Variants in EIF2B4 observed in about 807,000 individuals in gnomAD.
The protein encoded by EIF2B4 is eukaryotic translation initiation factor 2B subunit delta.
A neutral mutation model predicts 66.7 loss-of-function variants in EIF2B4; 34 were observed. The observed-to-expected ratio is 0.51, with a 90% confidence interval of 0.39 to 0.68. The LOEUF is 0.68. Ranked by LOEUF, EIF2B4 falls within the 30% of genes least tolerant of loss-of-function variation. The pLI, the probability that EIF2B4 is intolerant of heterozygous loss-of-function variation, is 0.00. For missense variants in EIF2B4, 618 were observed against 657.9 expected (o/e 0.94, Z 0.66); for synonymous variants, 278 against 253.6 (o/e 1.10, Z -0.92).
rs140046653 is a variant in EIF2B4, at chr2:27,366,746, C to T, written c.1191+13G>A. 149 of 1,614,194 alleles carry T rather than the reference C, an allele frequency of 9.2e-5. 1 individual carries two copies. The African/African-American group carries it at 1.5e-3, about 17-fold the overall frequency. ...TCACCGCCAACTTTGGAGTCCTTTT[C>T]CTCTGTACTTACCTCTGGGAGCACA... is the stretch of plus-strand genomic sequence containing the variant. On this transcript the variant is annotated intron_variant, in intron 11 of 12. Coordinates refer to ENST00000347454, the MANE Select transcript of EIF2B4 (RefSeq NM_001034116.2).
Position 27,369,529 on chromosome 2 carries a change from G to C in EIF2B4, c.96C>G (p.Thr32=), listed in dbSNP as rs1682185431. 1 of 1,613,940 alleles carries C rather than the reference G, an allele frequency of 6.2e-7. No individual in the cohort carries two copies. The highest frequency in any genetic ancestry group is 8.5e-7 in the Non-Finnish European group (1 of 1,180,030). The change falls in exon 3 of 13, where the codon ACC becomes ACG. Residue 32 remains threonine (T), a synonymous_variant. Transcript: ENST00000347454. Reference sequence around the variant, plus strand: ...TCCGAAGCTGCAGCTTTTCTTCTTTGGTCATTTCCCTCCCCACTGCCTGAG... The same window carrying C: ...TCCGAAGCTGCAGCTTTTCTTCTTTCGTCATTTCCCTCCCCACTGCCTGAG... ...PGPGAVGREM[T]KEEKLQLRKE...
rs1275009137 is a variant in EIF2B4, at chr2:27,368,710, G to A, written c.442C>T (p.Pro148Ser). The change falls in exon 5 of 13, where the codon CCT (proline) becomes TCT (serine). Residue 148 changes from proline to serine, a missense_variant. By Grantham distance (74) the Pro-to-Ser change is moderately conservative. Transcript: ENST00000347454. ...CTCAGAAGTAGGTCATCAACCTGAG[G>A]GTACTCAGGGAGACGCTTCACTCCT... Reference protein sequence around the residue: ...PSGVKRLPEYPQVDDLLLRRL... With the variant: ...PSGVKRLPEYSQVDDLLLRRL... 3 of 1,614,100 alleles carry A rather than the reference G, an allele frequency of 1.9e-6. No homozygotes were observed. The highest frequency in any genetic ancestry group is 8.5e-7 in the Non-Finnish European group (1 of 1,180,000).
At chr2:27,366,615 A>T in intron 11 of EIF2B4, 144 bp downstream of exon 11, 1 of 948,234 alleles carries the variant, frequency 1.1e-6, no homozygotes, top group Non-Finnish European at 1.7e-6. Flanking sequence ...GGAGGTCAAG[A>T]CTGCAGTGAG....
In EIF2B4 at chr2:27,366,776, A is replaced by C. The variant is rs1681891973; in HGVS notation, c.1174T>G (p.Ser392Ala). Residue 392 changes from serine to alanine, a missense_variant, in exon 11 of 13, where the codon TCC (serine) becomes GCC (alanine). Around this residue, in one of 4 missense-constraint regions of EIF2B4, gnomAD observed 506 missense variants for 511.9 expected, o/e 0.99. Transcript: ENST00000347454. ...PASYLLIPAA[S>A]YVLPEVSKVL... is the part of the protein sequence containing the mutation. ...GTACTTACCTCTGGGAGCACATAGGAGGCTGCAGGAATCAGCAGGTAGGAG... is the reference window on the plus strand; with the variant it reads ...GTACTTACCTCTGGGAGCACATAGGCGGCTGCAGGAATCAGCAGGTAGGAG... The C allele has an allele frequency of 3.7e-6, 6 of 1,614,220 alleles. No homozygotes were observed. Among genetic ancestry groups the C allele is most frequent in the Non-Finnish European group, 5.1e-6 (6 of 1,180,042 alleles).
chr2:27,366,060 T>G (rs1467005732), intron 11 of EIF2B4: 1 of 137,238 alleles, frequency 7.3e-6, no homozygotes, highest in East Asian at 2.2e-4. Flanking sequence ...GTGTGTGTGT[T>G]CAAGCAGTCC....
In EIF2B4 at chr2:27,366,759, C is replaced by A; in HGVS notation, c.1191G>T (p.Glu397Asp). 1 of 1,614,192 alleles carries A rather than the reference C, an allele frequency of 6.2e-7. No individual in the cohort carries two copies. The highest frequency in any genetic ancestry group is 8.5e-7 in the Non-Finnish European group (1 of 1,180,030). The change falls in exon 11 of 13, where the codon GAG (glutamate) becomes GAT (aspartate). Residue 397 changes from glutamate (E) to aspartate (D), a missense_variant and splice_region_variant. Transcript: ENST00000347454. ...LIPAASYVLPEVSKVLLGAHA... is the reference protein window; with the variant it reads ...LIPAASYVLPDVSKVLLGAHA... ...TGGAGTCCTTTTCCTCTGTACTTAC[C>A]TCTGGGAGCACATAGGAGGCTGCAG...
chr2:27,367,561 TATAATACAACAGCA>T lies in EIF2B4; in HGVS notation c.783-16_783-3del. On this transcript the variant is annotated splice_region_variant and splice_polypyrimidine_tract_variant and intron_variant, in intron 8 of 12. Transcript: ENST00000347454. ...AGGGGACGGCACTGAGTCAGGAAGC[TATAATACAACAGCA>T]ATACCTTATATCTGCGCAACTCTTC... is the stretch of plus-strand genomic sequence containing the variant. 3.1e-6 allele frequency: 5 copies of T among 1,614,052 alleles called. No individual in the cohort carries two copies. Among genetic ancestry groups the T allele is most frequent in the Non-Finnish European group, 4.2e-6 (5 of 1,180,008 alleles).
chr2:27,369,620 A>G, intron 2 of EIF2B4, 71 bp from the exon 3 acceptor site: 5 of 1,610,278 alleles, frequency 3.1e-6, no homozygotes, highest in Non-Finnish European at 3.4e-6. Context: ...TTGGATGCTT[A>G]CAAGATTTCC....
chr2:27,365,828 T>C (rs1681805918), intron 11 of EIF2B4: 1 of 152,218 alleles, frequency 6.6e-6, no homozygotes, highest in South Asian at 2.1e-4. Flanking sequence ...ATAGCTAGAC[T>C]GCTGTAATAT....
At position 27,365,055 on chromosome 2, in the gene EIF2B4, CT is replaced by C. The variant is rs35891906; in HGVS notation, c.1192-158del. On this transcript the variant is annotated intron_variant, in intron 11 of 12. Transcript: ENST00000347454. Reference sequence around the variant, plus strand: ...CAAAAACAGACAACAAGTAATAAATCTTTTTTTTTTTTTTCTTTGAGATGAA... The same window carrying C: ...CAAAAACAGACAACAAGTAATAAATCTTTTTTTTTTTTTCTTTGAGATGAA... 223,851 of 583,856 alleles carry C rather than the reference CT, an allele frequency of 0.38. 15,591 individuals carry two copies. The highest frequency in any genetic ancestry group is 0.47 in the African/African-American group (23,983 of 51,482). 36.2% of individuals were successfully genotyped at this position (583,856 alleles called of 1,614,324 possible). A position where few individuals can be genotyped will look rare whatever the true frequency, so the allele number is the denominator to read the frequency against.
At chr2:27,366,644 A>G in intron 11 of EIF2B4, 115 bp downstream of exon 11, 2 of 1,277,490 alleles carry the variant, frequency 1.6e-6, no homozygotes, top group South Asian at 1.2e-5. Context: ...ACGTCGCTGC[A>G]CTCCATCCTT....
chr2:27,367,290 A>C, intron 9 of EIF2B4, 89 bp from the exon 10 acceptor site: 1 of 1,598,224 alleles, frequency 6.3e-7, no homozygotes, highest in Non-Finnish European at 8.6e-7. Context: ...GTGTATGATG[A>C]CAAGCCTATA....
At chr2:27,369,762 T>C in intron 2 of EIF2B4, 114 bp downstream of exon 2, 6 of 1,462,734 alleles carry the variant, frequency 4.1e-6, no homozygotes, top group Non-Finnish European at 5.5e-6. Flanking sequence ...CTGTAAAATC[T>C]CCTGGCTTTA....
In EIF2B4 at chr2:27,367,546, A is replaced by G; in HGVS notation, c.796T>C (p.Cys266Arg). Residue 266 changes from cysteine to arginine, a missense_variant, in exon 9 of 13, where the codon TGC (cysteine) becomes CGC (arginine). Physicochemically the swap from Cys to Arg is radical, Grantham distance 180 (BLOSUM62 -3). This residue lies in a region of EIF2B4 where 506 missense variants were observed against 511.9 expected (regional missense o/e 0.99). Transcript: ENST00000347454. ...TGCATGCTCGCTGACAGGGGACGGC[A>G]CTGAGTCAGGAAGCTATAATACAAC... ...LKPYMSFLTQ[C>R]RPLSASMHNA... 6.2e-7 allele frequency: 1 copy of G among 1,614,194 alleles called. No individual in the cohort carries two copies. The highest frequency in any genetic ancestry group is 8.5e-7 in the Non-Finnish European group (1 of 1,180,040).
At chr2:27,369,662 C>T in intron 2 of EIF2B4, 113 bp from the exon 3 acceptor site, 5 of 1,565,130 alleles carry the variant, frequency 3.2e-6, no homozygotes, top group Non-Finnish European at 2.6e-6. Context: ...TTCCTAACTT[C>T]CACAAGCTAC....
chr2:27,366,834 T>C lies in EIF2B4; in HGVS notation c.1116A>G (p.Thr372=), dbSNP rs775060569. Residue 372 remains threonine, a synonymous_variant, in exon 11 of 13, where the codon ACA becomes ACG. Transcript: ENST00000347454. ...CACCAGCATGGACTAGAGAACGTAG[T>C]GTGTGCCTTCCTTCCAGCCATGGCC... ...DSRPWLEGRH[T]LRSLVHAGVP... 5 of 1,614,066 alleles carry C rather than the reference T, an allele frequency of 3.1e-6. No homozygotes were observed. The highest frequency in any genetic ancestry group is 2.7e-5 in the African/African-American group (2 of 74,912).
intron 5 of EIF2B4, 81 bp downstream of exon 5, chr2:27,368,573 T>C: frequency 6.3e-7 from 1 of 1,582,404 alleles, no homozygotes; most frequent in Non-Finnish European, 8.7e-7. Flanking sequence ...CCTATCCTTC[T>C]CACTTTGCAC....
intron 2 of EIF2B4, 90 bp downstream of exon 2, chr2:27,369,786 C>G (rs1682223087): frequency 2.0e-6 from 3 of 1,490,514 alleles, no homozygotes. Context: ...AGAAATAAAC[C>G]GACACGGGAT....
chr2:27,367,624 TA>T lies in EIF2B4; in HGVS notation c.783-66del, dbSNP rs954078667. On this transcript the variant is annotated intron_variant, in intron 8 of 12. Transcript: ENST00000347454. ...TCACAACTTACAAAGCCTTCACATT[TA>T]AAAAAAAAGTCTTTAAAAAGAAAAT... The T allele has an allele frequency of 3.4e-4, 533 of 1,581,766 alleles. 1 individual carries two copies. The highest frequency in any genetic ancestry group is 5.0e-4 in the Middle Eastern group (3 of 6,024).
Sources: allele counts gnomAD v4.1 joint callset, GRCh38; gene constraint gnomAD v4.1.1; regional missense constraint gnomAD v4.1.1; transcripts MANE v1.5; gene names NCBI Gene and HGNC (gene_info 2026-07-23, HGNC 2026-07-21).